ANKRD12: variants seen among roughly 807,000 people sequenced by gnomAD.
ANKRD12 encodes the protein ankyrin repeat domain 12, also known as ankyrin repeat domain-containing protein 12.
A neutral mutation model predicts 183.4 loss-of-function variants in ANKRD12; 85 were observed. The ratio of observed to expected loss-of-function variants is 0.46; its 90% CI spans 0.39 to 0.56. The LOEUF (loss-of-function observed/expected upper bound fraction) is 0.56. Among genes scored for constraint, ANKRD12 ranks in the 20% least tolerant of loss-of-function variants. The pLI, the probability that ANKRD12 is intolerant of heterozygous loss-of-function variation, is 0.00. For missense variants in ANKRD12, 2,405 were observed against 2,357.1 expected, an observed-to-expected ratio of 1.02 and a Z score of -0.42; for synonymous variants, 914 against 800.2, an observed-to-expected ratio of 1.14 and a Z score of -2.40.
intron 1 of ANKRD12, among the ~76,000 whole-genome samples, chr18:9,139,415 T>G (rs1322215349): frequency 6.6e-6 from 1 of 152,214 alleles, no homozygotes; most frequent in Non-Finnish European, 1.5e-5. Flanking sequence ...AAACACTTCG[T>G]TGGAGAAGAG....
intron 7 of ANKRD12, among the ~76,000 whole-genome samples, 159 bp downstream of exon 7, chr18:9,217,059 T>G (rs2036149096): frequency 6.6e-6 from 1 of 152,228 alleles, no homozygotes; most frequent in East Asian, 1.9e-4. Context: ...CTACTAAGTA[T>G]TAGTTCATAG....
chr18:9,171,658 G>A (rs968188080), intron 1 of ANKRD12, among the ~76,000 whole-genome samples: 3 of 152,120 alleles, frequency 2.0e-5, no homozygotes, highest in Non-Finnish European at 4.4e-5. Context: ...TGTTTGAAAA[G>A]AATCTTATTT....
rs73392341 is a variant in ANKRD12, at chr18:9,172,996, A to G, written c.-51-9386A>G. ...AGCTTACTGCAACCTCAACCTCGTG[A>G]TCTGCCCATTTCAGTCTCCTAAAGT... On this transcript the variant is annotated intron_variant, in intron 1 of 12. Transcript: ENST00000262126. Among the ~76,000 whole-genome samples the G allele has an allele frequency of 4.0e-3, 599 of 149,304 alleles. 3 individuals carry two copies. The highest frequency in any genetic ancestry group is 0.014 in the African/African-American group (565 of 40,284).
intron 8 of ANKRD12, among the ~76,000 whole-genome samples, chr18:9,242,188 A>G (rs1187245904): frequency 6.6e-6 from 1 of 152,164 alleles, no homozygotes; most frequent in African/African-American, 2.4e-5. Flanking sequence ...TGAAGTTCAT[A>G]TAAATGTAGA....
At chr18:9,158,680 CAGTT>C (rs1318231303) in intron 1 of ANKRD12, among the ~76,000 whole-genome samples, 1 of 152,176 alleles carries the variant, frequency 6.6e-6, no homozygotes, top group African/African-American at 2.4e-5. Context: ...CTCTACAGCA[CAGTT>C]ACTCTTTTTT....
At position 9,257,020 on chromosome 18, in the gene ANKRD12, A is replaced by G. The variant is rs750960983; in HGVS notation, c.3753A>G (p.Ser1251=). 3 of 1,614,080 alleles carry G rather than the reference A, an allele frequency of 1.9e-6. No individual in the cohort carries two copies. In the Admixed American group the frequency reaches 5.0e-5, roughly 27 times the overall value. Reference sequence around the variant, plus strand: ...CCTTTTCCCAGTCACCTTTTTTGTCAATTGCCAAATCTCCTGCTCTTCATG... The same window carrying G: ...CCTTTTCCCAGTCACCTTTTTTGTCGATTGCCAAATCTCCTGCTCTTCATG... ...QMSFSQSPFL[S]IAKSPALHER... The change falls in exon 9 of 13, where the codon TCA becomes TCG. Residue 1251 remains serine, a synonymous_variant. Coordinates refer to ENST00000262126, the MANE Select transcript of ANKRD12 (RefSeq NM_015208.5).
Position 9,284,495 on chromosome 18 carries a change from GT to G in ANKRD12, c.*3372del, listed in dbSNP as rs1047599514. ...AATGAAATAGTCCTCTTTTTAAACA[GT>G]TTAAAGGAAGCATTTTCACCGTTTG... On this transcript the variant is annotated 3_prime_UTR_variant, in exon 13 of 13. Transcript: ENST00000262126. 5.9e-5 allele frequency: 9 copies of G among 152,114 alleles called. No homozygotes were observed. The highest frequency in any genetic ancestry group is 2.2e-4 in the African/African-American group (9 of 41,442). 9.4% of individuals were successfully genotyped at this position (152,114 alleles called of 1,614,324 possible).
At chr18:9,214,559 G>C (rs534728549) in intron 6 of ANKRD12, among the ~76,000 whole-genome samples, 1 of 152,032 alleles carries the variant, frequency 6.6e-6, no homozygotes, top group African/African-American at 2.4e-5. Flanking sequence ...ATTTTTCATC[G>C]TGTTTAGTAG....
In ANKRD12 at chr18:9,195,610, C is replaced by T; in HGVS notation, c.147C>T (p.Ser49=). 1 of 1,612,512 alleles carries T rather than the reference C, an allele frequency of 6.2e-7. No individual in the cohort carries two copies. Among genetic ancestry groups the T allele is most frequent in the South Asian group, 1.1e-5 (1 of 90,966 alleles). ...CAAAAATTGAACGAAGTGATGTGAGCAAGGAGATGAAAGAGAAATCATCCA... is the reference window on the plus strand; with the variant it reads ...CAAAAATTGAACGAAGTGATGTGAGTAAGGAGATGAAAGAGAAATCATCCA... ...KTPKIERSDV[S]KEMKEKSSMK... Residue 49 remains serine, a synonymous_variant, in exon 3 of 13, where the codon AGC becomes AGT. Coordinates refer to ENST00000262126, the MANE Select transcript of ANKRD12 (RefSeq NM_015208.5).
intron 2 of ANKRD12, among the ~76,000 whole-genome samples, chr18:9,193,873 T>C (rs1413345107): frequency 5.9e-5 from 9 of 152,230 alleles, no homozygotes; most frequent in African/African-American, 2.2e-4. Context: ...AAAGGAGTTG[T>C]CATACCCCAG....
At chr18:9,181,731 T>C (rs1278016089) in intron 1 of ANKRD12, among the ~76,000 whole-genome samples, 1 of 152,208 alleles carries the variant, frequency 6.6e-6, no homozygotes, top group African/African-American at 2.4e-5. Context: ...TTCTGGATCG[T>C]TCAGGCATAA....
intron 1 of ANKRD12, among the ~76,000 whole-genome samples, chr18:9,141,185 C>G (rs1392961658): frequency 6.7e-6 from 1 of 148,434 alleles, no homozygotes; most frequent in Non-Finnish European, 1.5e-5. Flanking sequence ...GCCAGCAACC[C>G]TTTTTATGAG....
chr18:9,139,662 T>G (rs760671525), intron 1 of ANKRD12, among the ~76,000 whole-genome samples: 2 of 152,184 alleles, frequency 1.3e-5, no homozygotes. Context: ...CGTGAAGAAT[T>G]TGTCTAATAA....
intron 2 of ANKRD12, among the ~76,000 whole-genome samples, chr18:9,191,041 T>C (rs2034423115): frequency 6.6e-6 from 1 of 152,226 alleles, no homozygotes; most frequent in Non-Finnish European, 1.5e-5. Context: ...ATTTTTTCTA[T>C]CTTACTGAGA....
At chr18:9,145,222 A>G (rs2078453630) in intron 1 of ANKRD12, among the ~76,000 whole-genome samples, 1 of 152,180 alleles carries the variant, frequency 6.6e-6, no homozygotes, top group East Asian at 1.9e-4. Context: ...TTCTGGGCTC[A>G]AGGAATCCTC....
intron 10 of ANKRD12, among the ~76,000 whole-genome samples, chr18:9,272,203 G>A (rs1048060571): frequency 6.6e-6 from 1 of 152,158 alleles, no homozygotes; most frequent in African/African-American, 2.4e-5. Context: ...AGATTGTCAG[G>A]TAAGCAACAT....
At chr18:9,262,246 G>T (rs954623437) in intron 9 of ANKRD12, among the ~76,000 whole-genome samples, 5 of 152,162 alleles carry the variant, frequency 3.3e-5, no homozygotes, top group African/African-American at 1.2e-4. Context: ...AAAATACCTG[G>T]TTGTCCTACT....
At chr18:9,170,611 A>ATT in intron 1 of ANKRD12, among the ~76,000 whole-genome samples, 1 of 150,710 alleles carries the variant, frequency 6.6e-6, no homozygotes, top group Admixed American at 6.6e-5. Context: ...CCATTCGTCA[A>ATT]TTTTTTTTTC....
At position 9,186,180 on chromosome 18, in the gene ANKRD12, G is replaced by A. The variant is rs371417322; in HGVS notation, c.87+3661G>A. Among the ~76,000 whole-genome samples the A allele has an allele frequency of 4.3e-5, 6 of 138,842 alleles. No individual in the cohort carries two copies. The East Asian group carries it at 8.3e-4, about 19-fold the overall frequency. The allele number at this position is 138,842 out of a possible 152,430, so 91.1% of individuals were successfully genotyped here. ...TTTTGAGACGGAGTCTCGCTCTGTC[G>A]CCCAGGCTGGAGTGCAGTGGCGCGA... On this transcript the variant is annotated intron_variant, in intron 2 of 12. Coordinates refer to ENST00000262126, the MANE Select transcript of ANKRD12 (RefSeq NM_015208.5).
Sources: gnomAD v4.1 joint callset for allele counts (sites outside exome capture counted in the v4.1 genomes callset) on GRCh38, gnomAD v4.1.1 for gene constraint, MANE v1.5 for transcripts, NCBI Gene and HGNC (gene_info 2026-07-23, HGNC 2026-07-21) for gene names.